ASH1L: variants seen among roughly 807,000 people sequenced by gnomAD.
The protein encoded by ASH1L is histone-lysine N-methyltransferase ASH1L.
ASH1L carries 23 observed loss-of-function variants against 269.0 expected under a neutral mutation model. The ratio of observed to expected loss-of-function variants is 0.09; its 90% CI spans 0.06 to 0.12. ASH1L has a LOEUF of 0.12. Among genes scored for constraint, ASH1L ranks in the 10% least tolerant of loss-of-function variants. The probability of loss-of-function intolerance (pLI) is 1.00; values close to 1 mark genes in which losing one functional copy is unlikely to be tolerated. For missense variants in ASH1L, 2,912 were observed against 3,567.8 expected, an observed-to-expected ratio of 0.82 and a Z score of 4.68; for synonymous variants, 1,187 against 1,253.5, an observed-to-expected ratio of 0.95 and a Z score of 1.12.
intron 1 of ASH1L, among the ~76,000 whole-genome samples, chr1:155,533,851 C>A (rs1338727254): frequency 6.6e-6 from 1 of 152,136 alleles, no homozygotes; most frequent in Non-Finnish European, 1.5e-5. Flanking sequence ...CAACACCTCT[C>A]CAACCATTTC....
Position 155,537,517 on chromosome 1 carries a change from T to C in ASH1L, c.-99-15899A>G, listed in dbSNP as rs191051518. ...ACTCTAAGACTGTAAAATTAGTAAA[T>C]AGAAGAACTTGGATTGAATGTAATC... On this transcript the variant is annotated intron_variant, in intron 1 of 27. Coordinates refer to ENST00000392403, the MANE Select transcript of ASH1L (RefSeq NM_018489.3). Among the ~76,000 whole-genome samples, 126 of 152,280 alleles carry C rather than the reference T, an allele frequency of 8.3e-4. No homozygotes were observed. In the East Asian group the frequency reaches 0.011, roughly 13 times the overall value.
chr1:155,489,625 G>A (rs1204505788), intron 2 of ASH1L, among the ~76,000 whole-genome samples: 1 of 151,846 alleles, frequency 6.6e-6, no homozygotes, highest in Non-Finnish European at 1.5e-5. Flanking sequence ...GGGCATGGTG[G>A]CGGGTGCCTG....
intron 1 of ASH1L, among the ~76,000 whole-genome samples, chr1:155,541,802 A>G (rs1670442676): frequency 6.6e-6 from 1 of 152,182 alleles, no homozygotes; most frequent in Non-Finnish European, 1.5e-5. Context: ...GTAAACATCA[A>G]TTATGTTATT....
rs1476281772 is a variant in ASH1L at position 155,347,860 on chromosome 1, A to C, written c.7599T>G (p.Arg2533=). 1 of 1,614,096 alleles carries C rather than the reference A, an allele frequency of 6.2e-7. No homozygotes were observed. The highest frequency in any genetic ancestry group is 2.2e-5 in the East Asian group (1 of 44,902). ...GGGCATTGTAATAGGCCTTTCGTAG[A>C]CGACAAACATCTCTCCCAACTGGGG... ...RKSPVGRDVC[R]LRKAYYNARH... Residue 2533 remains arginine (R), a synonymous_variant, in exon 20 of 28, where the codon CGT becomes CGG. Coordinates refer to ENST00000392403, the MANE Select transcript of ASH1L (RefSeq NM_018489.3).
At chr1:155,404,839 C>A (rs191840884) in intron 6 of ASH1L, among the ~76,000 whole-genome samples, 161 of 151,710 alleles carry the variant, frequency 1.1e-3, no homozygotes, top group South Asian at 2.5e-3. Flanking sequence ...ACCGTCCTGG[C>A]CAACACGGTG....
chr1:155,390,444 A>G (rs1430291504), intron 7 of ASH1L, among the ~76,000 whole-genome samples: 1 of 152,218 alleles, frequency 6.6e-6, no homozygotes, highest in East Asian at 1.9e-4. Context: ...TCCAGAAAAC[A>G]GAGGAGGAAA....
intron 5 of ASH1L, among the ~76,000 whole-genome samples, chr1:155,435,913 T>C (rs1303536503): frequency 6.6e-6 from 1 of 151,990 alleles, no homozygotes; most frequent in East Asian, 1.9e-4. Context: ...TAGCCAGGCA[T>C]GGTGGTGCGC....
intron 4 of ASH1L, among the ~76,000 whole-genome samples, chr1:155,449,899 C>G (rs1477517895): frequency 1.3e-5 from 2 of 152,028 alleles, no homozygotes; most frequent in Non-Finnish European, 2.9e-5. Flanking sequence ...ATGTTTCTAC[C>G]TACTATGTTT....
At chr1:155,382,843 T>C (rs1657102423) in intron 7 of ASH1L, among the ~76,000 whole-genome samples, 1 of 152,082 alleles carries the variant, frequency 6.6e-6, no homozygotes, top group Admixed American at 6.5e-5. Context: ...CTCTCACTTC[T>C]ACCTGCCAAG....
At position 155,343,843 on chromosome 1, in the gene ASH1L, C is replaced by A; in HGVS notation, c.7982-101G>T. The A allele has an allele frequency of 7.5e-7, 1 of 1,334,660 alleles. No individual in the cohort carries two copies. The highest frequency in any genetic ancestry group is 2.4e-5 in the East Asian group (1 of 42,368). The allele number at this position is 1,334,660 out of a possible 1,614,324, so 82.7% of individuals were successfully genotyped here. A position where few individuals can be genotyped will look rare whatever the true frequency, so the allele number is the denominator to read the frequency against. Reference sequence around the variant, plus strand: ...TCAGGGTCTACATAGAACTCATAATCTGAAACAGTATAAATACAGAGAGCT... The same window carrying A: ...TCAGGGTCTACATAGAACTCATAATATGAAACAGTATAAATACAGAGAGCT... On this transcript the variant is annotated intron_variant, in intron 22 of 27. Transcript: ENST00000392403. The surrounding 1 kb of genome is among the most constrained non-coding windows in gnomAD (Gnocchi z 6.1).
intron 5 of ASH1L, among the ~76,000 whole-genome samples, chr1:155,417,062 G>T (rs927164400): frequency 6.6e-6 from 1 of 151,620 alleles, no homozygotes; most frequent in Non-Finnish European, 1.5e-5. Context: ...CTCCTGAGTA[G>T]CTGGGATTCC....
Position 155,336,150 on chromosome 1 carries a change from G to T in ASH1L, c.*1510C>A, listed in dbSNP as rs1000343376. ...TCTCTTTTGTTTTTTCCTCAAGAAT[G>T]ACACAGAAAGGGGAAAAAGGAAAAA... On this transcript the variant is annotated 3_prime_UTR_variant, in exon 28 of 28. Transcript: ENST00000392403. 1 of 152,414 alleles carries T rather than the reference G, an allele frequency of 6.6e-6. No homozygotes were observed. The highest frequency in any genetic ancestry group is 1.5e-5 in the Non-Finnish European group (1 of 67,984). 9.4% of individuals were successfully genotyped at this position (152,414 alleles called of 1,614,324 possible).
chr1:155,526,945 C>T (rs1183358182), intron 1 of ASH1L, among the ~76,000 whole-genome samples: 2 of 152,204 alleles, frequency 1.3e-5, no homozygotes, highest in Non-Finnish European at 2.9e-5. Context: ...ATGGCTCACG[C>T]CTGTAATCCC....
At chr1:155,375,164 C>T (rs991419356) in intron 10 of ASH1L, among the ~76,000 whole-genome samples, 10 of 151,704 alleles carry the variant, frequency 6.6e-5, no homozygotes, top group Non-Finnish European at 1.3e-4. Flanking sequence ...AAACTGCATC[C>T]GGATTTAAAA....
intron 2 of ASH1L, among the ~76,000 whole-genome samples, chr1:155,506,146 T>C (rs1477920695): frequency 6.6e-6 from 1 of 152,230 alleles, no homozygotes; most frequent in African/African-American, 2.4e-5. Context: ...GCTTCATCTA[T>C]GTCCCTACAA....
chr1:155,450,404 T>C (rs1423808762), intron 4 of ASH1L, among the ~76,000 whole-genome samples: 1 of 152,254 alleles, frequency 6.6e-6, no homozygotes, highest in Admixed American at 6.5e-5. Context: ...ATTTGTTCTT[T>C]ATGAGACTCT....
At chr1:155,509,520 G>A (rs1050327708) in intron 2 of ASH1L, among the ~76,000 whole-genome samples, 7 of 152,154 alleles carry the variant, frequency 4.6e-5, no homozygotes, top group South Asian at 2.1e-4. Context: ...TGTTGAGGCC[G>A]GGCTTGGTGG....
chr1:155,542,652 G>C (rs1426068407), intron 1 of ASH1L, among the ~76,000 whole-genome samples: 1 of 151,324 alleles, frequency 6.6e-6, no homozygotes, highest in Non-Finnish European at 1.5e-5. Flanking sequence ...TTCTAAGAAG[G>C]CAAAATTCAT....
intron 3 of ASH1L, among the ~76,000 whole-genome samples, chr1:155,473,490 C>CT (rs1198354857): frequency 2.0e-4 from 29 of 142,402 alleles, no homozygotes; most frequent in African/African-American, 7.8e-4. Flanking sequence ...TGTAGTATTT[C>CT]TATTTTTTTT....
Sources: gnomAD v4.1 joint callset for allele counts (sites outside exome capture counted in the v4.1 genomes callset) on GRCh38, gnomAD v4.1.1 for gene constraint, Gnocchi (gnomAD v3.1) non-coding constraint, MANE v1.5 for transcripts, NCBI Gene and HGNC (gene_info 2026-07-23, HGNC 2026-07-21) for gene names.